The following VWA8 variants were observed in gnomAD, a reference collection of about 807,000 sequenced individuals.
VWA8 encodes the protein von Willebrand factor A domain-containing protein 8.
In VWA8, 221 loss-of-function variants were observed where a neutral mutation model predicts 241.5. The ratio of observed to expected loss-of-function variants is 0.91; its 90% CI spans 0.82 to 1.02. The LOEUF (loss-of-function observed/expected upper bound fraction) is 1.02, where lower values mean the gene tolerates loss of function less well. VWA8 is among the 50% of genes least tolerant of loss of function. VWA8 has a pLI of 0.00. For missense variants in VWA8, 2,322 were observed against 2,328.7 expected, an observed-to-expected ratio of 1.00 and a Z score of 0.06; for synonymous variants, 852 against 827.1, an observed-to-expected ratio of 1.03 and a Z score of -0.52.
chr13:41,718,411 T>A (rs1005471321), intron 26 of VWA8, among the ~76,000 whole-genome samples: 2 of 151,866 alleles, frequency 1.3e-5, no homozygotes, highest in African/African-American at 4.8e-5. Context: ...TGCTAATCCA[T>A]CAGTAAAATA....
At chr13:41,661,445 A>G (rs1035731742) in intron 37 of VWA8, among the ~76,000 whole-genome samples, 2 of 152,270 alleles carry the variant, frequency 1.3e-5, no homozygotes, top group Admixed American at 6.5e-5. Context: ...AAGAGCACAC[A>G]TTGTAGAACT....
At chr13:41,612,612 C>CTGT (rs2044596848) in intron 38 of VWA8, among the ~76,000 whole-genome samples, 1 of 152,158 alleles carries the variant, frequency 6.6e-6, no homozygotes, top group African/African-American at 2.4e-5. Context: ...AAAAACACAT[C>CTGT]TGTTGGCTAG....
At chr13:41,767,819 T>A (rs1430203924) in intron 20 of VWA8, among the ~76,000 whole-genome samples, 1 of 152,224 alleles carries the variant, frequency 6.6e-6, no homozygotes, top group African/African-American at 2.4e-5. Context: ...ATGGCAAAAA[T>A]CCACTTTTGG....
chr13:41,671,217 G>T, intron 36 of VWA8, 70 bp from the exon 37 acceptor site: 1 of 1,513,380 alleles, frequency 6.6e-7, no homozygotes, highest in Non-Finnish European at 9.2e-7. Flanking sequence ...ACTGCACATT[G>T]TAATGTTCTT....
Position 41,856,389 on chromosome 13 carries a change from A to G in VWA8, c.1425+9347T>C, listed in dbSNP as rs79148926. Among the ~76,000 whole-genome samples, 673 of 152,334 alleles carry G rather than the reference A, an allele frequency of 4.4e-3. 3 individuals are homozygous for G. The highest frequency in any genetic ancestry group is 7.7e-3 in the Non-Finnish European group (527 of 68,022). The stretch of plus-strand genomic sequence containing the variant: ...TATTCACAAGAAGACTAGAAAGGCA[A>G]TAACTGAATGTGCACAAACTCTCTA... On this transcript the variant is annotated intron_variant, in intron 12 of 44. Coordinates refer to ENST00000379310, the MANE Select transcript of VWA8 (RefSeq NM_015058.2).
intron 12 of VWA8, 120 bp downstream of exon 12, chr13:41,865,616 T>C: frequency 2.0e-6 from 2 of 977,084 alleles, no homozygotes; most frequent in Non-Finnish European, 3.0e-6. Flanking sequence ...TTTATTACTA[T>C]TTTGGTTCTT....
At chr13:41,578,135 T>C (rs183943292) in intron 42 of VWA8, among the ~76,000 whole-genome samples, 119 of 152,348 alleles carry the variant, frequency 7.8e-4, no homozygotes, top group African/African-American at 2.6e-3. Context: ...CTTCTTTTTC[T>C]TCCTTCTTCC....
intron 37 of VWA8, among the ~76,000 whole-genome samples, chr13:41,650,961 G>A (rs763880078): frequency 3.3e-5 from 5 of 152,200 alleles, no homozygotes; most frequent in Non-Finnish European, 7.3e-5. Flanking sequence ...TAAGGGGTGT[G>A]TGGACACTGC....
chr13:41,788,143 T>C (rs74518373), intron 17 of VWA8, among the ~76,000 whole-genome samples: 1,730 of 152,262 alleles, frequency 0.011, 16 homozygotes, highest in Middle Eastern at 0.051. Flanking sequence ...TGAAACATAG[T>C]TTCCCACCTA....
intron 26 of VWA8, among the ~76,000 whole-genome samples, chr13:41,714,145 C>T (rs2137840697): frequency 6.6e-6 from 1 of 151,994 alleles, no homozygotes; most frequent in African/African-American, 2.4e-5. Context: ...GGATGCCATT[C>T]TTCATTTAGT....
intron 37 of VWA8, among the ~76,000 whole-genome samples, chr13:41,641,968 G>A (rs986131846): frequency 2.0e-5 from 3 of 152,184 alleles, no homozygotes; most frequent in Admixed American, 1.3e-4. Context: ...ATAACCAGTC[G>A]GTCATATGTC....
At chr13:41,863,450 T>TACACACACAC (rs1566485469) in intron 12 of VWA8, among the ~76,000 whole-genome samples, 5 of 107,704 alleles carry the variant, frequency 4.6e-5, no homozygotes, top group African/African-American at 1.6e-4. Flanking sequence ...TATATATATA[T>TACACACACAC]ATATTCACAC....
intron 17 of VWA8, among the ~76,000 whole-genome samples, chr13:41,797,610 G>T (rs570806637): frequency 1.3e-5 from 2 of 152,134 alleles, no homozygotes; most frequent in Admixed American, 6.6e-5. Context: ...CTGTCATACA[G>T]TGTTCCTTCT....
At chr13:41,797,196 A>AT (rs11400380) in intron 17 of VWA8, among the ~76,000 whole-genome samples, 62,883 of 140,288 alleles carry the variant, frequency 0.45, 15,180 homozygotes, top group South Asian at 0.61. Flanking sequence ...ACACCCAAGT[A>AT]TTTTTTTTTT....
At chr13:41,823,784 C>T (rs560765662) in intron 14 of VWA8, among the ~76,000 whole-genome samples, 10 of 151,980 alleles carry the variant, frequency 6.6e-5, no homozygotes, top group Non-Finnish European at 1.3e-4. Context: ...TAGAGCACTC[C>T]GGAGATCATC....
chr13:41,701,635 A>G (rs565261931), intron 27 of VWA8, 105 bp from the exon 28 acceptor site: 2 of 1,083,690 alleles, frequency 1.8e-6, no homozygotes, highest in East Asian at 2.8e-5. Flanking sequence ...AGTATTTAAT[A>G]TCCTGCTATA....
chr13:41,733,846 T>C (rs150510952), intron 21 of VWA8, among the ~76,000 whole-genome samples: 2 of 152,292 alleles, frequency 1.3e-5, no homozygotes, highest in East Asian at 3.8e-4. Flanking sequence ...CTGGAGGAAT[T>C]CTATAAATAT....
intron 8 of VWA8, 68 bp downstream of exon 8, chr13:41,885,852 C>T: frequency 9.1e-7 from 1 of 1,099,654 alleles, no homozygotes; most frequent in South Asian, 1.5e-5. Flanking sequence ...AGTCATTAAT[C>T]CCTAATGATT....
chr13:41,622,195 T>C (rs762979447), intron 37 of VWA8, among the ~76,000 whole-genome samples: 2 of 152,152 alleles, frequency 1.3e-5, no homozygotes, highest in African/African-American at 4.8e-5. Flanking sequence ...CTTACATCAA[T>C]TGACAATGAT....
Sources: allele counts gnomAD v4.1 joint callset (sites outside exome capture counted in the v4.1 genomes callset), GRCh38; gene constraint gnomAD v4.1.1; transcripts MANE v1.5; gene names NCBI Gene and HGNC (gene_info 2026-07-23, HGNC 2026-07-21).